The following WDFY4 variants were observed in gnomAD, a reference collection of about 807,000 sequenced individuals.
WDFY4 encodes the protein WD repeat- and FYVE domain-containing protein 4.
WDFY4 carries 169 observed loss-of-function variants against 351.9 expected under a neutral mutation model. The ratio of observed to expected loss-of-function variants is 0.48; its 90% CI spans 0.42 to 0.55. The LOEUF is 0.55. Among genes scored for constraint, WDFY4 ranks in the 20% least tolerant of loss-of-function variants. The pLI is 0.00. For missense variants in WDFY4, 3,803 were observed against 3,935.6 expected, an observed-to-expected ratio of 0.97 and a Z score of 0.90; for synonymous variants, 1,622 against 1,574.6, an observed-to-expected ratio of 1.03 and a Z score of -0.71.
At chr10:48,879,798 T>TA (rs1282414056) in intron 43 of WDFY4, among the ~76,000 whole-genome samples, 1 of 152,156 alleles carries the variant, frequency 6.6e-6, no homozygotes, top group Non-Finnish European at 1.5e-5. Flanking sequence ...CCACCTCCCT[T>TA]ACCCTGTGGC....
intron 39 of WDFY4, among the ~76,000 whole-genome samples, chr10:48,836,083 G>T (rs2068381012): frequency 6.6e-6 from 1 of 152,216 alleles, no homozygotes; most frequent in African/African-American, 2.4e-5. Flanking sequence ...GTCGCTAACA[G>T]AAGGCACAAC....
intron 24 of WDFY4, among the ~76,000 whole-genome samples, chr10:48,802,372 A>G (rs539676873): frequency 9.7e-4 from 147 of 152,290 alleles, no homozygotes; most frequent in African/African-American, 3.3e-3. Flanking sequence ...AAATAAGAAA[A>G]TAAATACATA....
At position 48,796,451 on chromosome 10, in the gene WDFY4, G is replaced by C. The variant is rs916668364; in HGVS notation, c.4410+1G>C. 1.3e-6 allele frequency: 2 copies of C among 1,550,038 alleles called. No individual in the cohort carries two copies. The highest frequency in any genetic ancestry group is 1.7e-6 in the Non-Finnish European group (2 of 1,146,940). On this transcript the variant is annotated splice_donor_variant, in intron 24 of 61. Coordinates refer to ENST00000325239, the MANE Select transcript of WDFY4 (RefSeq NM_001394531.1). LOFTEE classifies it high-confidence loss of function. ...CCAGCACATCCTCTGCAATTTCGAG[G>C]TAAATCAGAGATTGGCCCTTAGTCC...
chr10:48,974,502 CAAAA>C (rs553826473), intron 57 of WDFY4, among the ~76,000 whole-genome samples: 22 of 10,388 alleles, frequency 2.1e-3, no homozygotes, highest in South Asian at 0.016. Context: ...GACTCCGTCT[CAAAA>C]AAAAAAAAAA....
At chr10:48,976,193 AG>A (rs1330674105) in intron 58 of WDFY4, among the ~76,000 whole-genome samples, 23 of 152,214 alleles carry the variant, frequency 1.5e-4, no homozygotes, top group Admixed American at 6.5e-5. Context: ...TTCTGTGATT[AG>A]GGCAAGGCTC....
At chr10:48,949,805 G>A (rs556958593) in intron 51 of WDFY4, among the ~76,000 whole-genome samples, 1 of 152,148 alleles carries the variant, frequency 6.6e-6, no homozygotes, top group African/African-American at 2.4e-5. Flanking sequence ...GTGAGCCTGG[G>A]GCTCATGTCC....
At chr10:48,870,489 G>A (rs866131769) in intron 40 of WDFY4, among the ~76,000 whole-genome samples, 1 of 151,486 alleles carries the variant, frequency 6.6e-6, no homozygotes, top group African/African-American at 2.4e-5. Context: ...AGGTTACAGT[G>A]AGCTATGATC....
At chr10:48,731,087 A>G (rs369148723) in intron 8 of WDFY4, 23 bp from the exon 9 acceptor site, 7 of 1,500,050 alleles carry the variant, frequency 4.7e-6, no homozygotes, top group East Asian at 5.0e-5. Context: ...GACTTGTAAG[A>G]TCATTCTTGT....
intron 19 of WDFY4, among the ~76,000 whole-genome samples, chr10:48,782,444 T>C (rs973982389): frequency 9.2e-5 from 14 of 152,156 alleles, no homozygotes; most frequent in African/African-American, 2.9e-4. Flanking sequence ...GACTGGCTGC[T>C]AGTGTGGTTG....
At chr10:48,697,569 G>C (rs774431524) in intron 1 of WDFY4, among the ~76,000 whole-genome samples, 1 of 152,230 alleles carries the variant, frequency 6.6e-6, no homozygotes, top group African/African-American at 2.4e-5. Context: ...AAAGATGCAC[G>C]TGTGACTTTT....
rs367979242 is a variant in WDFY4 at position 48,790,860 on chromosome 10, G to A, written c.4200G>A (p.Ser1400=). 2.7e-4 allele frequency: 418 copies of A among 1,551,752 alleles called. No individual in the cohort carries two copies. The highest frequency in any genetic ancestry group is 3.5e-4 in the Admixed American group (18 of 51,008). Residue 1400 remains serine, a synonymous_variant, in exon 23 of 62, where the codon TCG becomes TCA. Coordinates refer to ENST00000325239, the MANE Select transcript of WDFY4 (RefSeq NM_001394531.1). ...ATGCGGCTGTGAAAGTTCTGCACTC[G>A]GTCCTGACCAGTAATGCCATGTGTG... ...TMYAAVKVLH[S]VLTSNAMCDF...
chr10:48,823,965 C>A (rs2133014223), intron 35 of WDFY4: 1 of 985,478 alleles, frequency 1.0e-6, no homozygotes, highest in South Asian at 4.7e-5. Flanking sequence ...CTGTGAAATT[C>A]TAAGGGAGTA....
At chr10:48,870,360 A>AC (rs751667423) in intron 40 of WDFY4, among the ~76,000 whole-genome samples, 10 of 151,934 alleles carry the variant, frequency 6.6e-5, no homozygotes, top group Non-Finnish European at 1.3e-4. Flanking sequence ...TCATTGCGAG[A>AC]CCCCAACTCA....
intron 23 of WDFY4, among the ~76,000 whole-genome samples, chr10:48,794,990 G>C (rs1017693752): frequency 3.9e-5 from 6 of 151,962 alleles, no homozygotes; most frequent in Middle Eastern, 3.2e-3. Flanking sequence ...TGGAGGGAGG[G>C]TTATTTTTAC....
At chr10:48,812,185 T>A (rs2067472751) in intron 30 of WDFY4, among the ~76,000 whole-genome samples, 1 of 131,774 alleles carries the variant, frequency 7.6e-6, no homozygotes, top group South Asian at 2.2e-4. Context: ...TTTTCTTTTT[T>A]TTTTGTTTTT....
chr10:48,704,302 C>T (rs549670198), intron 1 of WDFY4, among the ~76,000 whole-genome samples: 13 of 152,320 alleles, frequency 8.5e-5, no homozygotes, highest in Admixed American at 5.9e-4. Flanking sequence ...CCACTGCCCC[C>T]TCTGCCTCGT....
At position 48,743,081 on chromosome 10, in the gene WDFY4, C is replaced by T. The variant is rs935483574; in HGVS notation, c.1992C>T (p.Pro664=). The T allele has an allele frequency of 9.7e-6, 15 of 1,551,588 alleles. No individual in the cohort carries two copies. Among genetic ancestry groups the T allele is most frequent in the Admixed American group, 7.8e-5 (4 of 50,994 alleles). The change falls in exon 12 of 62, where the codon CCC becomes CCT. Residue 664 remains proline, a synonymous_variant. Transcript: ENST00000325239. ...ACCTGGAAGGCTCCCTCCAGGAGCC[C>T]CCGCTGCAGGCATGGGGAGCAGTAT... The part of the protein sequence containing the change: ...LSDLEGSLQE[P]PLQAWGAVSP...
chr10:48,868,114 G>A (rs1429327264), intron 40 of WDFY4, among the ~76,000 whole-genome samples: 1 of 152,174 alleles, frequency 6.6e-6, no homozygotes, highest in Non-Finnish European at 1.5e-5. Flanking sequence ...TACACATGGT[G>A]CCCGGTGCCA....
At chr10:48,804,891 G>A (rs1370569790) in intron 25 of WDFY4, 2 of 582,454 alleles carry the variant, frequency 3.4e-6, no homozygotes, top group Non-Finnish European at 4.3e-6. Flanking sequence ...AGCTAGTGAA[G>A]GGCCCTGCAC....
Sources: gnomAD v4.1 joint callset for allele counts (sites outside exome capture counted in the v4.1 genomes callset) on GRCh38, gnomAD v4.1.1 for gene constraint, MANE v1.5 for transcripts, NCBI Gene and HGNC (gene_info 2026-07-23, HGNC 2026-07-21) for gene names.